The following HMOX1 variants were observed in gnomAD, a reference collection of about 807,000 sequenced individuals.
The protein encoded by HMOX1 is heme oxygenase 1.
Under a neutral mutation model 27.8 loss-of-function variants are expected in HMOX1, and 22 were observed. The observed-to-expected ratio is 0.79, with a 90% CI of 0.57 to 1.13. HMOX1 has a LOEUF of 1.13. Among genes scored for constraint, HMOX1 ranks in the 50% most tolerant of loss-of-function variants. HMOX1 has a pLI of 0.00. For synonymous variants in HMOX1, 153 were observed against 151.6 expected, an observed-to-expected ratio of 1.01 and a Z score of -0.07; for missense variants, 379 against 377.7, an observed-to-expected ratio of 1.00 and a Z score of -0.03.
chr22:35,388,900 C>T (rs1231250778), intron 3 of HMOX1, among the ~76,000 whole-genome samples: 2 of 152,174 alleles, frequency 1.3e-5, no homozygotes, highest in Non-Finnish European at 2.9e-5. Flanking sequence ...TCCTCATCTG[C>T]AAGGCTAACA....
chr22:35,386,604 C>T, intron 2 of HMOX1, 81 bp from the exon 3 acceptor site: 1 of 1,585,034 alleles, frequency 6.3e-7, no homozygotes. Flanking sequence ...AGGGCCTTTC[C>T]AAAGGCAGTA....
At chr22:35,390,936 A>G (rs1406900047) in intron 4 of HMOX1, among the ~76,000 whole-genome samples, 1 of 152,200 alleles carries the variant, frequency 6.6e-6, no homozygotes, top group Non-Finnish European at 1.5e-5. Context: ...AGTGCTCCAC[A>G]AAATGTACCC....
At chr22:35,389,991 CTCTGGGCTACACA>C in intron 4 of HMOX1, 28 bp downstream of exon 4, 1 of 1,461,494 alleles carries the variant, frequency 6.8e-7, no homozygotes, top group Non-Finnish European at 9.5e-7. Flanking sequence ...GGGGCACTTC[CTCTGGGCTACACA>C]TGGAGGGACT....
intron 4 of HMOX1, among the ~76,000 whole-genome samples, chr22:35,392,677 C>G (rs898921901): frequency 2.0e-5 from 3 of 151,988 alleles, no homozygotes; most frequent in Non-Finnish European, 1.5e-5. Flanking sequence ...GCACATCTAC[C>G]CAGGTTGCAT....
At chr22:35,389,391 C>CCTTT (rs1227436663) in intron 3 of HMOX1, among the ~76,000 whole-genome samples, 56 of 49,814 alleles carry the variant, frequency 1.1e-3, no homozygotes, top group Middle Eastern at 9.4e-3. Flanking sequence ...TTCCTTCCTT[C>CCTTT]CTTCCTTTCT....
intron 3 of HMOX1, among the ~76,000 whole-genome samples, chr22:35,389,399 T>TCTTCCTTTCTTCCTTTCTTC (rs1555901612): frequency 4.7e-5 from 2 of 42,778 alleles, no homozygotes; most frequent in African/African-American, 4.1e-4. Flanking sequence ...TTCCTTCCTT[T>TCTTCCTTTCTTCCTTTCTTC]CTTTCTTTCT....
At chr22:35,388,324 C>T (rs8142390) in intron 3 of HMOX1, among the ~76,000 whole-genome samples, 42,303 of 151,612 alleles carry the variant, frequency 0.28, 6,363 homozygotes, top group East Asian at 0.46. Context: ...TAGTAGCGTG[C>T]ACCTGTAGTC....
At position 35,386,955 on chromosome 22, in the gene HMOX1, G is replaced by A. The variant is rs374687228; in HGVS notation, c.415G>A (p.Gly139Ser). The change falls in exon 3 of 5, where the codon GGT (glycine) becomes AGT (serine). Residue 139 changes from glycine (G) to serine (S), a missense_variant. Transcript: ENST00000216117. ...GGCCCACGCCTACACCCGCTACCTG[G>A]GTGACCTGTCTGGGGGCCAGGTGCT... The part of the protein sequence containing the change: ...LVAHAYTRYL[G>S]DLSGGQVLKK... 1.9e-6 allele frequency: 3 copies of A among 1,613,954 alleles called. No individual in the cohort carries two copies. The highest frequency in any genetic ancestry group is 2.5e-6 in the Non-Finnish European group (3 of 1,180,044).
chr22:35,389,211 TTCTC>T (rs59548374), intron 3 of HMOX1, among the ~76,000 whole-genome samples: 5,802 of 123,680 alleles, frequency 0.047, 272 homozygotes, highest in Non-Finnish European at 0.063. Context: ...CTTTCTTTCT[TTCTC>T]TCTTTCTTTC....
chr22:35,384,956 C>A (rs555936142), intron 2 of HMOX1, among the ~76,000 whole-genome samples: 1 of 151,932 alleles, frequency 6.6e-6, no homozygotes, highest in Non-Finnish European at 1.5e-5. Flanking sequence ...AACCCAGGCT[C>A]TTTTGTACCA....
In HMOX1 at chr22:35,389,931, G is replaced by T. The variant is rs1375477038; in HGVS notation, c.704G>T (p.Gly235Val). The T allele has an allele frequency of 1.2e-6, 2 of 1,611,916 alleles. No individual in the cohort carries two copies. Among genetic ancestry groups the T allele is most frequent in the African/African-American group, 1.3e-5 (1 of 74,980 alleles). The change falls in exon 4 of 5, where the codon GGG becomes GTG. Residue 235 changes from glycine (G) to valine (V), a missense_variant. Physicochemically the swap from Gly to Val is moderately radical, Grantham distance 109 (BLOSUM62 -3). Coordinates refer to ENST00000216117, the MANE Select transcript of HMOX1 (RefSeq NM_002133.3). ...GACCAGAGCCCCTCACGGGCACCAG[G>T]GCTTCGCCAGCGGGCCAGCAACAAA... ...TKDQSPSRAPGLRQRASNKVQ... is the reference protein window; with the variant it reads ...TKDQSPSRAPVLRQRASNKVQ...
chr22:35,383,688 GAAGAT>G (rs1300199759), intron 2 of HMOX1, among the ~76,000 whole-genome samples: 1 of 152,186 alleles, frequency 6.6e-6, no homozygotes, highest in African/African-American at 2.4e-5. Context: ...ATTTGCCTCT[GAAGAT>G]AAGGAATAAT....
At chr22:35,381,724 GC>G (rs1931391451) in intron 1 of HMOX1, among the ~76,000 whole-genome samples, 1 of 152,014 alleles carries the variant, frequency 6.6e-6, no homozygotes, top group South Asian at 2.1e-4. Flanking sequence ...ACCTTGGTCT[GC>G]CCACCTCCAG....
chr22:35,393,429 G>A (rs200876613), intron 4 of HMOX1, 39 bp from the exon 5 acceptor site: 16 of 1,613,406 alleles, frequency 9.9e-6, no homozygotes, highest in Middle Eastern at 3.3e-4. Flanking sequence ...CCTGATGCAC[G>A]CCCACCTGTT....
intron 3 of HMOX1, among the ~76,000 whole-genome samples, chr22:35,387,841 G>A (rs998936715): frequency 5.9e-5 from 9 of 152,224 alleles, no homozygotes; most frequent in Admixed American, 4.6e-4. Flanking sequence ...CCTACTCCCA[G>A]CCGTGGATTG....
Position 35,389,866 on chromosome 22 carries a change from CT to C in HMOX1, c.642del (p.Phe214LeufsTer8). On this transcript the variant is annotated frameshift_variant, in exon 4 of 5. Coordinates refer to ENST00000216117, the MANE Select transcript of HMOX1 (RefSeq NM_002133.3). LOFTEE classifies it high-confidence loss of function. ...KTAFLLNIQL[F>X]EELQELLTHD... The stretch of plus-strand genomic sequence containing the variant: ...CATGTGTGTCTTTTGTCTTTTAGCT[CT>C]TTGAGGAGTTGCAGGAGCTGCTGAC... 6.2e-7 allele frequency: 1 copy of C among 1,605,080 alleles called. No individual in the cohort carries two copies.
chr22:35,393,102 C>T (rs1931763054), intron 4 of HMOX1, among the ~76,000 whole-genome samples: 1 of 152,212 alleles, frequency 6.6e-6, no homozygotes, highest in South Asian at 2.1e-4. Context: ...CCATCATCAC[C>T]ATGCTTAGCA....
rs186402981 is a variant in HMOX1, at chr22:35,394,044, C to T, written c.*446C>T. 352 of 288,794 alleles carry T rather than the reference C, an allele frequency of 1.2e-3. 5 individuals are homozygous for T. Among genetic ancestry groups the T allele is most frequent in the South Asian group, 4.6e-3 (130 of 28,000 alleles). The allele number at this position is 288,794 out of a possible 1,614,324, so 17.9% of individuals were successfully genotyped here. A position where few individuals can be genotyped will look rare whatever the true frequency, so the allele number is the denominator to read the frequency against. On this transcript the variant is annotated 3_prime_UTR_variant, in exon 5 of 5. Transcript: ENST00000216117. ...TTATTTTTGTTGGAGCCACTCTGTT[C>T]CTGGCTCAGCCTCAAATGCAGTATT...
At chr22:35,381,659 G>A (rs973665255) in intron 1 of HMOX1, among the ~76,000 whole-genome samples, 6 of 152,156 alleles carry the variant, frequency 3.9e-5, no homozygotes, top group African/African-American at 1.4e-4. Flanking sequence ...GCCCAGTTCA[G>A]GGAGGCGACA....
Sources: gnomAD v4.1 joint callset for allele counts (sites outside exome capture counted in the v4.1 genomes callset) on GRCh38, gnomAD v4.1.1 for gene constraint, MANE v1.5 for transcripts, NCBI Gene and HGNC (gene_info 2026-07-23, HGNC 2026-07-21) for gene names.